CYP20A1: variants seen among roughly 807,000 people sequenced by gnomAD.
CYP20A1 encodes cytochrome P450 20A1.
CYP20A1 carries 61 observed loss-of-function variants against 61.4 expected under a neutral mutation model. The observed-to-expected ratio is 0.99, with a 90% CI of 0.81 to 1.23. CYP20A1 has a LOEUF of 1.23. Among genes scored for constraint, CYP20A1 ranks in the 50% most tolerant of loss-of-function variants. The probability of loss-of-function intolerance (pLI) is 0.00; values close to 1 mark genes in which losing one functional copy is unlikely to be tolerated. For synonymous variants in CYP20A1, 193 were observed against 188.2 expected (o/e 1.03, Z -0.21); for missense variants, 530 against 542.4 (o/e 0.98, Z 0.23).
At chr2:203,262,029 C>T (rs2067157630) in intron 4 of CYP20A1, among the ~76,000 whole-genome samples, 1 of 152,070 alleles carries the variant, frequency 6.6e-6, no homozygotes, top group Non-Finnish European at 1.5e-5. Flanking sequence ...TTCCAGTGCA[C>T]TGCAGGACCC....
At chr2:203,242,772 C>T (rs2105889659) in intron 1 of CYP20A1, among the ~76,000 whole-genome samples, 1 of 150,710 alleles carries the variant, frequency 6.6e-6, no homozygotes, top group South Asian at 2.1e-4. Context: ...GACTGGGTGA[C>T]AGAGTGAGAC....
intron 5 of CYP20A1, among the ~76,000 whole-genome samples, chr2:203,268,425 G>T (rs1327274356): frequency 2.0e-5 from 3 of 152,068 alleles, no homozygotes; most frequent in African/African-American, 7.2e-5. Flanking sequence ...GGATAGTACA[G>T]GACAGTTATT....
intron 9 of CYP20A1, among the ~76,000 whole-genome samples, chr2:203,288,002 T>G (rs1382346019): frequency 6.6e-6 from 1 of 151,306 alleles, no homozygotes; most frequent in Non-Finnish European, 1.5e-5. Context: ...TTCTTTTCTT[T>G]TTTTTTTAAT....
intron 4 of CYP20A1, among the ~76,000 whole-genome samples, chr2:203,263,314 G>A (rs921713471): frequency 1.4e-4 from 19 of 136,692 alleles, no homozygotes; most frequent in Non-Finnish European, 2.5e-4. Flanking sequence ...AATTTTAGGC[G>A]GAGTCTCCCT....
At chr2:203,272,813 A>T in intron 6 of CYP20A1, 65 bp downstream of exon 6, 1 of 950,232 alleles carries the variant, frequency 1.1e-6, no homozygotes, top group African/African-American at 1.7e-5. Flanking sequence ...TTAATAAAGT[A>T]ATCTCTGAAT....
chr2:203,255,129 T>C (rs1361054244), intron 4 of CYP20A1, among the ~76,000 whole-genome samples: 1 of 152,182 alleles, frequency 6.6e-6, no homozygotes, highest in African/African-American at 2.4e-5. Context: ...TAGATTTCCA[T>C]GATCTTACCT....
At chr2:203,243,442 G>C (rs966986106) in intron 1 of CYP20A1, among the ~76,000 whole-genome samples, 1 of 152,018 alleles carries the variant, frequency 6.6e-6, no homozygotes, top group Non-Finnish European at 1.5e-5. Context: ...CCAGGCTGGA[G>C]TGTAGTGACG....
rs2068937946 is a variant in CYP20A1 at position 203,299,550 on chromosome 2, A to G, written c.*2642A>G. Among the ~76,000 whole-genome samples the G allele has an allele frequency of 6.6e-6, 1 of 151,272 alleles. No homozygotes were observed. Among genetic ancestry groups the G allele is most frequent in the South Asian group, 2.1e-4 (1 of 4,782 alleles). On this transcript the variant is annotated 3_prime_UTR_variant, in exon 13 of 13. Coordinates refer to ENST00000356079, the MANE Select transcript of CYP20A1 (RefSeq NM_177538.3). ...TAATTGGATGCAGTCTGTATTTTTG[A>G]AAAAAAAAATTTTTTTTGGAATAAC...
At chr2:203,293,649 A>C (rs1321078500) in intron 11 of CYP20A1, among the ~76,000 whole-genome samples, 2 of 151,512 alleles carry the variant, frequency 1.3e-5, no homozygotes, top group African/African-American at 4.9e-5. Flanking sequence ...TTTTGGTGCA[A>C]CCGTCACCCA....
chr2:203,272,170 G>C (rs2067628554), intron 5 of CYP20A1, among the ~76,000 whole-genome samples: 1 of 152,108 alleles, frequency 6.6e-6, no homozygotes, highest in Non-Finnish European at 1.5e-5. Context: ...AAATATATTT[G>C]TACCCTCCCC....
At chr2:203,257,968 T>G in intron 4 of CYP20A1, among the ~76,000 whole-genome samples, 19 of 152,184 alleles carry the variant, frequency 1.2e-4, no homozygotes, top group South Asian at 2.1e-4. Context: ...GTGGCACAAT[T>G]ATAGCTCACT....
At chr2:203,278,047 G>A (rs1056874353) in intron 6 of CYP20A1, among the ~76,000 whole-genome samples, 5 of 152,076 alleles carry the variant, frequency 3.3e-5, no homozygotes, top group Admixed American at 6.6e-5. Flanking sequence ...AGGCCGAGGC[G>A]GATGGATTGC....
intron 9 of CYP20A1, among the ~76,000 whole-genome samples, chr2:203,289,405 T>C (rs542506952): frequency 2.6e-5 from 4 of 152,246 alleles, no homozygotes; most frequent in South Asian, 2.1e-4. Flanking sequence ...ATATTTTTCT[T>C]TATAATTTTC....
intron 6 of CYP20A1, among the ~76,000 whole-genome samples, chr2:203,277,364 A>C (rs947296100): frequency 5.8e-4 from 67 of 116,516 alleles, no homozygotes; most frequent in African/African-American, 1.9e-3. Flanking sequence ...AAAAAGAAAA[A>C]GAAAAAGTGT....
chr2:203,267,532 TCTCA>T (rs2067376496), intron 5 of CYP20A1, among the ~76,000 whole-genome samples: 1 of 143,890 alleles, frequency 6.9e-6, no homozygotes, highest in Non-Finnish European at 1.5e-5. Flanking sequence ...GAGACTCTTG[TCTCA>T]CTCCAAAAAA....
At chr2:203,262,608 C>G (rs973917583) in intron 4 of CYP20A1, among the ~76,000 whole-genome samples, 1 of 151,976 alleles carries the variant, frequency 6.6e-6, no homozygotes, top group Non-Finnish European at 1.5e-5. Flanking sequence ...ACAGTGCTTT[C>G]CCTCCCAATA....
chr2:203,240,783 G>A (rs374824660), intron 1 of CYP20A1, among the ~76,000 whole-genome samples: 1 of 152,136 alleles, frequency 6.6e-6, no homozygotes, highest in African/African-American at 2.4e-5. Flanking sequence ...CAGAAAGATG[G>A]GAGTGAAGGA....
chr2:203,296,288 A>G (rs555891930), intron 11 of CYP20A1, among the ~76,000 whole-genome samples, 186 bp from the exon 12 acceptor site: 1 of 152,360 alleles, frequency 6.6e-6, no homozygotes, highest in Admixed American at 6.5e-5. Context: ...AGTAAGAAAC[A>G]GCAATAGACT....
At chr2:203,255,018 GA>G (rs2066843795) in intron 4 of CYP20A1, among the ~76,000 whole-genome samples, 1 of 151,674 alleles carries the variant, frequency 6.6e-6, no homozygotes, top group Non-Finnish European at 1.5e-5. Context: ...AAAAAGAAAA[GA>G]AAATCACATT....
Sources: allele counts gnomAD v4.1 joint callset (sites outside exome capture counted in the v4.1 genomes callset), GRCh38; gene constraint gnomAD v4.1.1; transcripts MANE v1.5; gene names NCBI Gene and HGNC (gene_info 2026-07-23, HGNC 2026-07-21).